The following ATP11B variants were observed in gnomAD, a reference collection of about 807,000 sequenced individuals.
ATP11B encodes the protein phospholipid-transporting ATPase IF.
A neutral mutation model predicts 157.8 loss-of-function variants in ATP11B; 81 were observed. The observed-to-expected ratio is 0.51, with a 90% CI of 0.43 to 0.62. The LOEUF is 0.62. Among genes scored for constraint, ATP11B ranks in the 20% least tolerant of loss-of-function variants. The pLI, the probability that ATP11B is intolerant of heterozygous loss-of-function variation, is 0.00. For synonymous variants in ATP11B, 451 were observed against 469.4 expected (o/e 0.96, Z 0.51); for missense variants, 1,165 against 1,402.2 (o/e 0.83, Z 2.70).
intron 28 of ATP11B, among the ~76,000 whole-genome samples, chr3:182,901,253 C>T (rs891741555): frequency 1.3e-5 from 2 of 150,406 alleles, no homozygotes; most frequent in Non-Finnish European, 2.9e-5. Context: ...GTCCCAGCTA[C>T]TCAGGAGACT....
In ATP11B at chr3:182,835,944, C is replaced by T. The variant is rs1015013285; in HGVS notation, c.316-91C>T. ...TCATATGATTCTGGAATGTAGTGTT[C>T]CAGGGAAGTTTTTGAGTTTTTTTTC... On this transcript the variant is annotated intron_variant, in intron 4 of 29. Transcript: ENST00000323116. 7 of 907,816 alleles carry T rather than the reference C, an allele frequency of 7.7e-6. No individual in the cohort carries two copies. In the African/African-American group the frequency reaches 1.0e-4, roughly 13 times the overall value. The allele number at this position is 907,816 out of a possible 1,614,324, so 56.2% of individuals were successfully genotyped here.
chr3:182,921,394 T>TAAC lies in ATP11B; in HGVS notation c.*3291_*3293dup, dbSNP rs1381073872. 1.1e-4 allele frequency: 16 copies of TAAC among 152,340 alleles called. No homozygotes were observed. Among genetic ancestry groups the TAAC allele is most frequent in the Admixed American group, 9.1e-4 (14 of 15,302 alleles). The allele number at this position is 152,340 out of a possible 1,614,324, so 9.4% of individuals were successfully genotyped here. A position where few individuals can be genotyped will look rare whatever the true frequency, so the allele number is the denominator to read the frequency against. On this transcript the variant is annotated 3_prime_UTR_variant, in exon 30 of 30. Coordinates refer to ENST00000323116, the MANE Select transcript of ATP11B (RefSeq NM_014616.3). ...TGTTGTTCCTATAAAAAATAGATCA[T>TAAC]AACTCATGATATGTTTGTAATCATG...
chr3:182,846,796 A>G (rs1719567177), intron 9 of ATP11B, among the ~76,000 whole-genome samples: 1 of 152,198 alleles, frequency 6.6e-6, no homozygotes, highest in Admixed American at 6.5e-5. Context: ...CTGAAAACAG[A>G]TTAGTGGTTT....
At chr3:182,827,710 A>G (rs142609737) in intron 2 of ATP11B, among the ~76,000 whole-genome samples, 2 of 151,632 alleles carry the variant, frequency 1.3e-5, no homozygotes, top group African/African-American at 4.8e-5. Context: ...TGCTAAACTA[A>G]CTAAAATATA....
At position 182,884,849 on chromosome 3, in the gene ATP11B, A is replaced by G; in HGVS notation, c.2606A>G (p.His869Arg). The change falls in exon 22 of 30, where the codon CAT becomes CGT. Residue 869 changes from histidine to arginine, a missense_variant. This residue lies in a region of ATP11B where 737 missense variants were observed against 930.5 expected (regional missense o/e 0.79). Transcript: ENST00000323116. The part of the protein sequence containing the change: ...FLSKLLFVHG[H>R]FYYIRIATLV... ...TCCAAATTGCTTTTTGTTCATGGTC[A>G]TTTTTATTATATTAGAATAGCTACC... 1.3e-6 allele frequency: 2 copies of G among 1,566,312 alleles called. No homozygotes were observed. The highest frequency in any genetic ancestry group is 1.7e-6 in the Non-Finnish European group (2 of 1,142,862).
At chr3:182,818,523 T>C (rs1717107603) in intron 1 of ATP11B, among the ~76,000 whole-genome samples, 1 of 152,228 alleles carries the variant, frequency 6.6e-6, no homozygotes, top group Non-Finnish European at 1.5e-5. Context: ...GGACTTTAAA[T>C]AGTCTGAACA....
intron 10 of ATP11B, among the ~76,000 whole-genome samples, chr3:182,857,185 G>A (rs773165820): frequency 5.3e-5 from 8 of 152,058 alleles, no homozygotes; most frequent in Non-Finnish European, 1.0e-4. Context: ...TCGCTCTGTC[G>A]CCCAGGCTAG....
In ATP11B at chr3:182,918,881, A is replaced by T. The variant is rs2108601860; in HGVS notation, c.*777A>T. On this transcript the variant is annotated 3_prime_UTR_variant, in exon 30 of 30. Coordinates refer to ENST00000323116, the MANE Select transcript of ATP11B (RefSeq NM_014616.3). ...AGTATAAAGACCCTATAGTGGGTAA[A>T]TTAGATACTATTAGCATATTATTAA... 1 of 152,458 alleles carries T rather than the reference A, an allele frequency of 6.6e-6. No individual in the cohort carries two copies. Among genetic ancestry groups the T allele is most frequent in the Middle Eastern group, 3.4e-3 (1 of 294 alleles). 9.4% of individuals were successfully genotyped at this position (152,458 alleles called of 1,614,324 possible).
intron 3 of ATP11B, among the ~76,000 whole-genome samples, chr3:182,829,302 A>C (rs953086184): frequency 6.6e-6 from 1 of 152,202 alleles, no homozygotes; most frequent in Non-Finnish European, 1.5e-5. Context: ...CCATAGTCCC[A>C]TTCCTAGTTT....
intron 19 of ATP11B, 64 bp from the exon 20 acceptor site, chr3:182,879,432 A>G (rs888370838): frequency 9.3e-6 from 13 of 1,397,930 alleles, no homozygotes; most frequent in Non-Finnish European, 1.1e-5. Flanking sequence ...GTGTTGTTCT[A>G]TATGAGTGTA....
In ATP11B at chr3:182,913,933, G is replaced by A. The variant is rs770316074; in HGVS notation, c.3391G>A (p.Ala1131Thr). The change falls in exon 29 of 30, where the codon GCA (alanine) becomes ACA (threonine). Residue 1131 changes from alanine (A) to threonine (T), a missense_variant. Physicochemically the swap from Ala to Thr is moderately conservative, Grantham distance 58. This residue lies in a region of ATP11B where 303 missense variants were observed against 296.3 expected (regional missense o/e 1.02). Transcript: ENST00000323116. Reference protein sequence around the residue: ...CCFPEGEAACASVGRMLERVI... With the variant: ...CCFPEGEAACTSVGRMLERVI... ...TTTCCCGGAAGGAGAAGCAGCGTGT[G>A]CATCTGTTGGAAGAATGCTGGAACG... 2.0e-5 allele frequency: 32 copies of A among 1,614,012 alleles called. No homozygotes were observed. Among genetic ancestry groups the A allele is most frequent in the Non-Finnish European group, 2.7e-5 (32 of 1,179,986 alleles).
At chr3:182,915,770 G>A in intron 29 of ATP11B, 3 of 984,934 alleles carry the variant, frequency 3.0e-6, no homozygotes, top group African/African-American at 1.7e-5. Flanking sequence ...ACCTGCCCCA[G>A]GAGTTATTGA....
chr3:182,871,812 T>C (rs1489502710), intron 17 of ATP11B, among the ~76,000 whole-genome samples: 4 of 152,112 alleles, frequency 2.6e-5, no homozygotes. Context: ...TTAATTATTT[T>C]GAGCAACTTT....
intron 28 of ATP11B, among the ~76,000 whole-genome samples, chr3:182,907,483 A>G (rs1724450206): frequency 6.6e-6 from 1 of 152,258 alleles, no homozygotes. Flanking sequence ...CCTAAATGAA[A>G]AATTAATCAA....
chr3:182,902,682 C>G, intron 28 of ATP11B: 1 of 426,884 alleles, frequency 2.3e-6, no homozygotes, highest in Non-Finnish European at 3.9e-6. Flanking sequence ...GTTAGCATGG[C>G]CCTGTCTCTG....
intron 4 of ATP11B, among the ~76,000 whole-genome samples, chr3:182,834,503 A>G (rs1439020979): frequency 2.0e-5 from 3 of 152,146 alleles, no homozygotes; most frequent in African/African-American, 7.2e-5. Context: ...CACATAGGCA[A>G]GCATTTTTTT....
At chr3:182,828,244 A>T in intron 3 of ATP11B, 35 bp downstream of exon 3, 1 of 1,008,100 alleles carries the variant, frequency 9.9e-7, no homozygotes, top group Non-Finnish European at 1.4e-6. Context: ...GTTTGTAAAC[A>T]TAGTTTCTAA....
At chr3:182,906,632 G>A (rs370177302) in intron 28 of ATP11B, among the ~76,000 whole-genome samples, 24 of 152,002 alleles carry the variant, frequency 1.6e-4, no homozygotes, top group Admixed American at 9.2e-4. Context: ...TGTATTTTTT[G>A]TGGAGACTGG....
At chr3:182,866,764 C>T (rs1237247126) in intron 14 of ATP11B, among the ~76,000 whole-genome samples, 1 of 147,130 alleles carries the variant, frequency 6.8e-6, no homozygotes, top group African/African-American at 2.5e-5. Flanking sequence ...CCTTCTAGTC[C>T]TTAAAAGTAT....
Sources: allele counts gnomAD v4.1 joint callset (sites outside exome capture counted in the v4.1 genomes callset), GRCh38; gene constraint gnomAD v4.1.1; regional missense constraint gnomAD v4.1.1; transcripts MANE v1.5; gene names NCBI Gene and HGNC (gene_info 2026-07-23, HGNC 2026-07-21).